FRMD3: variants seen among roughly 807,000 people sequenced by gnomAD.
FRMD3 encodes the protein FERM domain-containing protein 3.
Under a neutral mutation model 70.2 loss-of-function variants are expected in FRMD3, and 33 were observed. The observed-to-expected ratio is 0.47, with a 90% CI of 0.36 to 0.63. The LOEUF is 0.63. FRMD3 is among the 20% of genes least tolerant of loss of function. The pLI, the probability that FRMD3 is intolerant of heterozygous loss-of-function variation, is 0.00. For synonymous variants in FRMD3, 279 were observed against 255.9 expected (o/e 1.09, Z -0.86); for missense variants, 632 against 711.4 (o/e 0.89, Z 1.27).
intron 1 of FRMD3, among the ~76,000 whole-genome samples, chr9:83,426,412 A>G (rs10217271): frequency 0.15 from 22,612 of 152,260 alleles, 2,366 homozygotes; most frequent in African/African-American, 0.29. Context: ...TGGACAGACA[A>G]GGCAGTTATT....
At chr9:83,429,329 T>G (rs976576111) in intron 1 of FRMD3, among the ~76,000 whole-genome samples, 2 of 152,180 alleles carry the variant, frequency 1.3e-5, no homozygotes, top group Admixed American at 6.5e-5. Flanking sequence ...AGATCCATCT[T>G]GATCCTGGCT....
intron 1 of FRMD3, among the ~76,000 whole-genome samples, chr9:83,489,745 C>A (rs1437580342): frequency 6.6e-6 from 1 of 152,168 alleles, no homozygotes; most frequent in African/African-American, 2.4e-5. Context: ...CTTTTTGAAT[C>A]AAACCTCAAA....
upstream of FRMD3, among the ~76,000 whole-genome samples, chr9:83,541,430 A>G (rs1306287463): frequency 6.6e-6 from 1 of 152,266 alleles, no homozygotes; most frequent in African/African-American, 2.4e-5. Flanking sequence ...GAAAAGATCC[A>G]AAGAATCAAG....
chr9:83,365,967 GCACACACC>G (rs1350154161), intron 3 of FRMD3, among the ~76,000 whole-genome samples: 1 of 152,096 alleles, frequency 6.6e-6, no homozygotes, highest in Non-Finnish European at 1.5e-5. Context: ...GGCCTCAGCA[GCACACACC>G]AACCCCACTC....
At chr9:83,334,179 T>A (rs560910201) in intron 6 of FRMD3, among the ~76,000 whole-genome samples, 1 of 152,174 alleles carries the variant, frequency 6.6e-6, no homozygotes, top group Non-Finnish European at 1.5e-5. Flanking sequence ...ACTTTATTTC[T>A]ACCTCTAGTA....
chr9:83,246,071 A>AAAC lies in FRMD3; in HGVS notation c.*1844_*1846dup. 2.0e-6 allele frequency: 2 copies of AAAC among 985,426 alleles called. No homozygotes were observed. Among genetic ancestry groups the AAAC allele is most frequent in the Non-Finnish European group, 2.4e-6 (2 of 829,934 alleles). 61.0% of individuals were successfully genotyped at this position (985,426 alleles called of 1,614,324 possible). A position where few individuals can be genotyped will look rare whatever the true frequency, so the allele number is the denominator to read the frequency against. On this transcript the variant is annotated 3_prime_UTR_variant, in exon 14 of 14. Coordinates refer to ENST00000304195, the MANE Select transcript of FRMD3 (RefSeq NM_174938.6). ...TGCAGGCTTCACGAACTGAGTTTCA[A>AAAC]AACTCATTTCCAAAATTAAATGTCC...
rs115030103 is a variant in FRMD3 at position 83,454,220 on chromosome 9, C to T, written c.148-64512G>A. On this transcript the variant is annotated intron_variant, in intron 1 of 13. Coordinates refer to ENST00000304195, the MANE Select transcript of FRMD3 (RefSeq NM_174938.6). ...ACAATGTTAATTATTTTCCCACACTCCTTTCATTCTATGTCTAAATATTAA... is the reference window on the plus strand; with the variant it reads ...ACAATGTTAATTATTTTCCCACACTTCTTTCATTCTATGTCTAAATATTAA... Among the ~76,000 whole-genome samples the T allele has an allele frequency of 2.5e-3, 381 of 152,260 alleles. 3 individuals carry two copies. Among genetic ancestry groups the T allele is most frequent in the African/African-American group, 8.8e-3 (366 of 41,554 alleles).
At chr9:83,573,881 G>C in the FRMD3 span, among the ~76,000 whole-genome samples, 11 of 151,832 alleles carry the variant, frequency 7.2e-5, no homozygotes, top group Admixed American at 7.2e-4. Flanking sequence ...GTCAAGTTTG[G>C]GTCAATCAAA....
chr9:83,538,736 G>C (rs1368944797), upstream of FRMD3, among the ~76,000 whole-genome samples: 1 of 152,196 alleles, frequency 6.6e-6, no homozygotes, highest in Non-Finnish European at 1.5e-5. The surrounding 1 kb of genome is among the most constrained non-coding windows in gnomAD (Gnocchi z 4.7). Context: ...GCTCCCGGTT[G>C]TGCTCGTCCC....
At chr9:83,435,044 G>A (rs577464277) in intron 1 of FRMD3, among the ~76,000 whole-genome samples, 1 of 152,054 alleles carries the variant, frequency 6.6e-6, no homozygotes, top group South Asian at 2.1e-4. Flanking sequence ...GGTCAGGCTG[G>A]TCTCGAACTC....
the FRMD3 span, among the ~76,000 whole-genome samples, chr9:83,548,488 T>C: frequency 6.6e-6 from 1 of 152,152 alleles, no homozygotes; most frequent in East Asian, 1.9e-4. Flanking sequence ...GGCTACAGAA[T>C]GTATTATTCC....
chr9:83,381,955 T>C (rs1019151332), intron 2 of FRMD3, among the ~76,000 whole-genome samples: 4 of 152,040 alleles, frequency 2.6e-5, no homozygotes, highest in African/African-American at 9.7e-5. Flanking sequence ...CAAAAACAGT[T>C]GGAAAGCCAT....
intron 2 of FRMD3, among the ~76,000 whole-genome samples, chr9:83,374,318 C>T (rs1825075337): frequency 6.6e-6 from 1 of 152,070 alleles, no homozygotes; most frequent in African/African-American, 2.4e-5. Flanking sequence ...GGTGTCAAAT[C>T]TCTGCAGTCT....
chr9:83,372,319 T>C (rs748905590), intron 3 of FRMD3, among the ~76,000 whole-genome samples: 1 of 150,846 alleles, frequency 6.6e-6, no homozygotes, highest in Non-Finnish European at 1.5e-5. Context: ...AGAGATGTTG[T>C]TATCCAAGCC....
intron 1 of FRMD3, among the ~76,000 whole-genome samples, chr9:83,442,745 G>A (rs1281576753): frequency 6.6e-6 from 1 of 151,816 alleles, no homozygotes; most frequent in East Asian, 1.9e-4. Flanking sequence ...CAGCAGCACA[G>A]TCCCTCACAC....
At chr9:83,343,482 T>C (rs914774093) in intron 4 of FRMD3, among the ~76,000 whole-genome samples, 195 bp from the exon 5 acceptor site, 3 of 151,982 alleles carry the variant, frequency 2.0e-5, no homozygotes, top group Non-Finnish European at 4.4e-5. Flanking sequence ...ATCAGAAGTG[T>C]CTGCCGAGCA....
At chr9:83,542,316 A>C (rs1830009099), upstream of FRMD3, among the ~76,000 whole-genome samples, 1 of 152,224 alleles carries the variant, frequency 6.6e-6, no homozygotes, top group Non-Finnish European at 1.5e-5. Context: ...TAAATATTGC[A>C]TCTTGAATTT....
intron 13 of FRMD3, among the ~76,000 whole-genome samples, chr9:83,253,523 G>A (rs1021227757): frequency 1.4e-4 from 22 of 152,158 alleles, no homozygotes; most frequent in Middle Eastern, 3.4e-3. Flanking sequence ...AATGCTCATC[G>A]TCACTGGCCA....
At chr9:83,565,580 C>T in the FRMD3 span, among the ~76,000 whole-genome samples, 2 of 152,196 alleles carry the variant, frequency 1.3e-5, no homozygotes, top group Non-Finnish European at 2.9e-5. Flanking sequence ...GACACATTTA[C>T]ACCTGCAAAG....
Sources: gnomAD v4.1 joint callset for allele counts (sites outside exome capture counted in the v4.1 genomes callset) on GRCh38, gnomAD v4.1.1 for gene constraint, Gnocchi (gnomAD v3.1) non-coding constraint, MANE v1.5 for transcripts, NCBI Gene and HGNC (gene_info 2026-07-23, HGNC 2026-07-21) for gene names.